The following SLC8A1 variants were observed in gnomAD, a reference collection of about 807,000 sequenced individuals.
SLC8A1 encodes the protein solute carrier family 8 member A1, also known as sodium/calcium exchanger 1.
Under a neutral mutation model 68.3 loss-of-function variants are expected in SLC8A1, and 18 were observed. The ratio of observed to expected loss-of-function variants is 0.26; its 90% CI spans 0.18 to 0.39. SLC8A1 has a LOEUF of 0.39. Ranked by LOEUF, SLC8A1 falls within the 10% of genes least tolerant of loss-of-function variation. The pLI, the probability that SLC8A1 is intolerant of heterozygous loss-of-function variation, is 1.00. For missense variants in SLC8A1, 985 were observed against 1,156.7 expected (o/e 0.85, Z 2.15); for synonymous variants, 475 against 415.5 (o/e 1.14, Z -1.74).
chr2:40,105,455 G>A (rs2034136935), exon 8 of SLC8A1: 1 of 152,186 alleles, frequency 6.6e-6, no homozygotes, highest in Non-Finnish European at 1.5e-5. Flanking sequence ...CTCTGAAGAA[G>A]TATGAACTAA....
intron 7 of SLC8A1, among the ~76,000 whole-genome samples, chr2:40,135,625 G>A (rs1172798430): frequency 6.6e-6 from 1 of 152,180 alleles, no homozygotes; most frequent in Non-Finnish European, 1.5e-5. Flanking sequence ...GGCTGAGGCA[G>A]GAGACTTGCT....
chr2:40,474,035 C>T (rs1468470079), intron 1 of SLC8A1, among the ~76,000 whole-genome samples: 2 of 152,106 alleles, frequency 1.3e-5, no homozygotes, highest in African/African-American at 4.8e-5. Flanking sequence ...TGATCTAGAA[C>T]ATTCCAGCTA....
rs574702650 is a variant in SLC8A1, at chr2:40,146,916, G to C, written c.2162-7240C>G. On this transcript the variant is annotated intron_variant, in intron 6 of 7. Transcript: ENST00000406785. Reference sequence around the variant, plus strand: ...GGTTTGGGCCAGGTGATGTGTGACAGTATTGTAAAGGGCGTCAAGAAGGCA... The same window carrying C: ...GGTTTGGGCCAGGTGATGTGTGACACTATTGTAAAGGGCGTCAAGAAGGCA... Among the ~76,000 whole-genome samples, 39 of 152,236 alleles carry C rather than the reference G, an allele frequency of 2.6e-4. 2 individuals carry two copies. In the South Asian group the frequency reaches 7.5e-3, roughly 29 times the overall value.
At chr2:40,104,682 T>C (rs1340633871) in exon 8 of SLC8A1, 3 of 152,192 alleles carry the variant, frequency 2.0e-5, no homozygotes, top group Non-Finnish European at 4.4e-5. Flanking sequence ...GAATTCTTTA[T>C]ATACCATTTA....
chr2:40,159,028 G>C (rs1383175625), intron 6 of SLC8A1, among the ~76,000 whole-genome samples: 1 of 152,068 alleles, frequency 6.6e-6, no homozygotes, highest in Non-Finnish European at 1.5e-5. Context: ...CCTTGTTCTT[G>C]AGAGTCATAA....
intron 2 of SLC8A1, among the ~76,000 whole-genome samples, chr2:40,272,017 C>G (rs772428357): frequency 2.2e-4 from 33 of 151,994 alleles, no homozygotes; most frequent in Non-Finnish European, 1.0e-4. Context: ...CAGGCATGTA[C>G]CACCATGCCT....
intron 7 of SLC8A1, among the ~76,000 whole-genome samples, chr2:40,134,874 ATAAG>A (rs1193854607): frequency 9.9e-5 from 15 of 152,144 alleles, no homozygotes; most frequent in African/African-American, 3.6e-4. Context: ...ACATTCAAAA[ATAAG>A]TAAACTAAAA....
At chr2:40,244,800 C>T (rs2061649412) in intron 2 of SLC8A1, among the ~76,000 whole-genome samples, 1 of 152,114 alleles carries the variant, frequency 6.6e-6, no homozygotes, top group Non-Finnish European at 1.5e-5. Flanking sequence ...CACTGGAGGG[C>T]ACTCCTGAAA....
intron 2 of SLC8A1, chr2:40,251,163 CT>C (rs911887079): frequency 6.6e-6 from 1 of 151,780 alleles, no homozygotes; most frequent in Non-Finnish European, 1.5e-5. Flanking sequence ...AAATGATTCT[CT>C]TTTTTGAATT....
At chr2:40,483,567 A>G (rs1466070035) in intron 1 of SLC8A1, among the ~76,000 whole-genome samples, 8 of 152,248 alleles carry the variant, frequency 5.3e-5, no homozygotes, top group Non-Finnish European at 1.0e-4. Context: ...TCTCTAGTCC[A>G]GTATTTTGTT....
At chr2:40,436,997 A>G (rs372478594) in intron 1 of SLC8A1, among the ~76,000 whole-genome samples, 99 of 152,266 alleles carry the variant, frequency 6.5e-4, no homozygotes, top group African/African-American at 2.2e-3. Context: ...TGTCCCAGGT[A>G]CTGTGCTAAT....
At chr2:40,164,161 G>GTGGACAGA (rs2046152972) in intron 5 of SLC8A1, among the ~76,000 whole-genome samples, 1 of 151,206 alleles carries the variant, frequency 6.6e-6, no homozygotes, top group South Asian at 2.1e-4. Context: ...AGGGATGGGA[G>GTGGACAGA]GGGACAGAGG....
In SLC8A1 at chr2:40,148,253, T is replaced by A. The variant is rs1452527184; in HGVS notation, c.2162-8577A>T. On this transcript the variant is annotated intron_variant, in intron 6 of 7. Coordinates refer to ENST00000406785, the Ensembl canonical transcript of SLC8A1. ...CTGGAATTTTATTTAAAAAAATGCA[T>A]CTTTATGCAAATCCTCTATTCGTGA... Among the ~76,000 whole-genome samples the A allele has an allele frequency of 3.3e-5, 5 of 152,338 alleles. No homozygotes were observed. In the East Asian group the frequency reaches 9.6e-4, roughly 29 times the overall value.
chr2:40,320,315 G>C (rs573769657), intron 2 of SLC8A1, among the ~76,000 whole-genome samples: 1 of 151,982 alleles, frequency 6.6e-6, no homozygotes, highest in African/African-American at 2.4e-5. Context: ...ATATTAGCCA[G>C]GGAACAGGGG....
In SLC8A1 at chr2:40,231,981, A is replaced by G. The variant is rs540314836; in HGVS notation, c.1809-54126T>C. 5.3e-5 allele frequency among the ~76,000 whole-genome samples: 8 copies of G among 152,262 alleles called. No homozygotes were observed. The South Asian group carries it at 1.2e-3, about 24-fold the overall frequency. ...GTGTGAGAGCAAATAGGAATAAGAT[A>G]CAGTTTCTGAGATGAAGAATCTAAT... On this transcript the variant is annotated intron_variant, in intron 2 of 7. Transcript: ENST00000406785.
At chr2:40,292,001 T>C (rs953541851) in intron 2 of SLC8A1, among the ~76,000 whole-genome samples, 3 of 151,782 alleles carry the variant, frequency 2.0e-5, no homozygotes, top group Non-Finnish European at 1.5e-5. Context: ...AGATCTAACA[T>C]CATATTAACT....
chr2:40,427,496 C>A (rs1260255390), intron 2 of SLC8A1, among the ~76,000 whole-genome samples: 1 of 151,986 alleles, frequency 6.6e-6, no homozygotes, highest in Non-Finnish European at 1.5e-5. Flanking sequence ...GTCAGCCTCC[C>A]TCCCTCTCTC....
chr2:40,420,548 C>T (rs1695207496), intron 2 of SLC8A1, among the ~76,000 whole-genome samples: 2 of 152,188 alleles, frequency 1.3e-5, no homozygotes, highest in African/African-American at 4.8e-5. Flanking sequence ...GAGAAAAAAG[C>T]CAAAACCAAC....
chr2:40,451,021 C>T (rs1405609031), intron 1 of SLC8A1, among the ~76,000 whole-genome samples: 1 of 152,150 alleles, frequency 6.6e-6, no homozygotes, highest in Non-Finnish European at 1.5e-5. Context: ...TTTAAAGAAT[C>T]AAGGATGCAC....
Sources: gnomAD v4.1 joint callset for allele counts (sites outside exome capture counted in the v4.1 genomes callset) on GRCh38, gnomAD v4.1.1 for gene constraint, MANE v1.5 for transcripts, NCBI Gene and HGNC (gene_info 2026-07-23, HGNC 2026-07-21) for gene names.